Variants in RAB27A observed in about 807,000 individuals in gnomAD.
The protein encoded by RAB27A is RAB27A, member RAS oncogene family.
Under a neutral mutation model 20.8 loss-of-function variants are expected in RAB27A, and 17 were observed. The observed-to-expected ratio is 0.82, with a 90% CI of 0.56 to 1.23. RAB27A has a LOEUF of 1.23. Among genes scored for constraint, RAB27A ranks in the 50% most tolerant of loss-of-function variants. The probability of loss-of-function intolerance (pLI) is 0.00; values close to 1 mark genes in which losing one functional copy is unlikely to be tolerated. For synonymous variants in RAB27A, 85 were observed against 92.8 expected (o/e 0.92, Z 0.48); for missense variants, 277 against 266.7 (o/e 1.04, Z -0.27).
chr15:55,312,295 G>C (rs1217628287), intron 2 of RAB27A, among the ~76,000 whole-genome samples: 1 of 152,210 alleles, frequency 6.6e-6, no homozygotes, highest in African/African-American at 2.4e-5. Flanking sequence ...AACAAATATG[G>C]ACCAGAAGAC....
At chr15:55,211,648 T>C (rs1895031329) in intron 6 of RAB27A, among the ~76,000 whole-genome samples, 1 of 152,220 alleles carries the variant, frequency 6.6e-6, no homozygotes, top group Non-Finnish European at 1.5e-5. Context: ...TCTAAATGTT[T>C]TTTGGTGTAA....
intron 2 of RAB27A, among the ~76,000 whole-genome samples, chr15:55,242,553 A>G (rs201575013): frequency 6.6e-6 from 1 of 152,202 alleles, no homozygotes; most frequent in East Asian, 1.9e-4. Context: ...TATTAAAAAT[A>G]CTATTATTAA....
chr15:55,236,469 G>T (rs560765195), intron 2 of RAB27A, among the ~76,000 whole-genome samples: 1 of 152,116 alleles, frequency 6.6e-6, no homozygotes, highest in Non-Finnish European at 1.5e-5. Context: ...GCTTACCTAT[G>T]TTTACCTGGG....
intron 2 of RAB27A, among the ~76,000 whole-genome samples, chr15:55,246,321 C>T (rs1410356786): frequency 6.6e-6 from 1 of 151,998 alleles, no homozygotes; most frequent in Admixed American, 6.6e-5. Context: ...GCAAATAACA[C>T]AAACAACTGT....
intron 2 of RAB27A, among the ~76,000 whole-genome samples, chr15:55,312,150 T>G (rs753529894): frequency 6.6e-6 from 1 of 151,936 alleles, no homozygotes; most frequent in African/African-American, 2.4e-5. Flanking sequence ...CGATCAGGAG[T>G]GGCAATGGGC....
Position 55,317,498 on chromosome 15 carries a change from A to G in RAB27A, c.-234+1433T>C, listed in dbSNP as rs181940534. Reference sequence around the variant, plus strand: ...CCTGGCTGATTTTTGTATTTTCAGTAGAGACAGGGTTTCACCATGTTGGTC... The same window carrying G: ...CCTGGCTGATTTTTGTATTTTCAGTGGAGACAGGGTTTCACCATGTTGGTC... On this transcript the variant is annotated intron_variant, in intron 1 of 5. Coordinates refer to the RAB27A transcript ENST00000563262. The G allele has an allele frequency of 1.3e-3, 407 of 322,824 alleles. 1 individual carries two copies. The highest frequency in any genetic ancestry group is 7.8e-3 in the African/African-American group (365 of 46,760). 20.0% of individuals were successfully genotyped at this position (322,824 alleles called of 1,614,324 possible).
At chr15:55,287,606 G>T (rs1416109780) in intron 1 of RAB27A, among the ~76,000 whole-genome samples, 1 of 152,160 alleles carries the variant, frequency 6.6e-6, no homozygotes, top group East Asian at 1.9e-4. Flanking sequence ...AATTAGCCAG[G>T]CATGGTGGCA....
chr15:55,228,857 T>G lies in RAB27A; in HGVS notation c.240-145A>C, dbSNP rs570821479. 2.1e-4 allele frequency: 149 copies of G among 699,506 alleles called. No individual in the cohort carries two copies. In the African/African-American group the frequency reaches 2.4e-3, roughly 11 times the overall value. The allele number at this position is 699,506 out of a possible 1,614,324, so 43.3% of individuals were successfully genotyped here. A position where few individuals can be genotyped will look rare whatever the true frequency, so the allele number is the denominator to read the frequency against. ...TTTCAAAAGTATATAGGATAGTTAT[T>G]TATCACTTATATCAGTTTAAGTGTT... On this transcript the variant is annotated intron_variant, in intron 4 of 6. Transcript: ENST00000336787.
intron 2 of RAB27A, among the ~76,000 whole-genome samples, chr15:55,267,252 T>C (rs1159507792): frequency 3.9e-5 from 6 of 152,152 alleles, no homozygotes; most frequent in Non-Finnish European, 5.9e-5. Flanking sequence ...GCTTAGACTA[T>C]GTCATCAAGA....
intron 2 of RAB27A, among the ~76,000 whole-genome samples, chr15:55,252,369 C>G (rs1220020763): frequency 6.6e-6 from 1 of 152,106 alleles, no homozygotes; most frequent in African/African-American, 2.4e-5. Flanking sequence ...TTTGGCAGGC[C>G]AAGGCAGGTG....
intron 6 of RAB27A, among the ~76,000 whole-genome samples, chr15:55,209,848 ATATG>A (rs1192875646): frequency 1.1e-5 from 1 of 92,324 alleles, no homozygotes; most frequent in South Asian, 3.7e-4. Context: ...GTGTACACAT[ATATG>A]TGTGTATATA....
intron 6 of RAB27A, among the ~76,000 whole-genome samples, chr15:55,214,011 T>A (rs1416310401): frequency 6.6e-6 from 1 of 152,232 alleles, no homozygotes; most frequent in Non-Finnish European, 1.5e-5. Context: ...AGGATATATG[T>A]GTAGGGACAT....
At chr15:55,297,822 C>G (rs1160162519) in intron 2 of RAB27A, among the ~76,000 whole-genome samples, 1 of 152,092 alleles carries the variant, frequency 6.6e-6, no homozygotes, top group Non-Finnish European at 1.5e-5. Context: ...ATATTTCTAC[C>G]AAATTGAATC....
intron 6 of RAB27A, among the ~76,000 whole-genome samples, chr15:55,210,074 A>G (rs1018509480): frequency 8.4e-5 from 9 of 106,986 alleles, no homozygotes; most frequent in Admixed American, 1.6e-4. Flanking sequence ...GTGTGTACAT[A>G]TACATATATA....
chr15:55,218,111 T>C (rs917725033), intron 6 of RAB27A, among the ~76,000 whole-genome samples: 3 of 152,146 alleles, frequency 2.0e-5, no homozygotes, highest in Non-Finnish European at 2.9e-5. Context: ...AGCAAGTATG[T>C]TTGGTGGTTC....
intron 2 of RAB27A, among the ~76,000 whole-genome samples, chr15:55,249,268 A>G (rs768505216): frequency 1.1e-4 from 16 of 152,308 alleles, no homozygotes; most frequent in Non-Finnish European, 1.8e-4. Context: ...GGTGGAATTT[A>G]AGAGGAATTA....
chr15:55,274,988 C>T (rs912020738), intron 1 of RAB27A, among the ~76,000 whole-genome samples: 5 of 151,212 alleles, frequency 3.3e-5, no homozygotes, highest in Admixed American at 6.6e-5. Context: ...CAGTGGCTCA[C>T]GCCTGTAATC....
At chr15:55,217,983 G>C (rs1823497358) in intron 6 of RAB27A, among the ~76,000 whole-genome samples, 2 of 152,196 alleles carry the variant, frequency 1.3e-5, no homozygotes, top group Non-Finnish European at 2.9e-5. Context: ...ATAAGCATTT[G>C]CAGTTTTTCA....
intron 6 of RAB27A, among the ~76,000 whole-genome samples, chr15:55,210,267 T>C (rs1894953532): frequency 8.0e-6 from 1 of 125,186 alleles, no homozygotes; most frequent in Admixed American, 7.4e-5. Context: ...GATCATATGG[T>C]AGTTCTATTT....
Sources: allele counts gnomAD v4.1 joint callset (sites outside exome capture counted in the v4.1 genomes callset), GRCh38; gene constraint gnomAD v4.1.1; transcripts MANE v1.5; gene names NCBI Gene and HGNC (gene_info 2026-07-23, HGNC 2026-07-21).